The following FCHSD2 variants were observed in gnomAD, a reference collection of about 807,000 sequenced individuals.
The protein encoded by FCHSD2 is FCH and double SH3 domains 2, also known as F-BAR and double SH3 domains protein 2.
In FCHSD2, 38 loss-of-function variants were observed where a neutral mutation model predicts 108.1. The observed-to-expected ratio is 0.35, with a 90% CI of 0.27 to 0.46. The LOEUF (loss-of-function observed/expected upper bound fraction) is 0.46, where lower values mean the gene tolerates loss of function less well. Ranked by LOEUF, FCHSD2 falls within the 20% of genes least tolerant of loss-of-function variation. The pLI is 1.00. For synonymous variants in FCHSD2, 279 were observed against 314.7 expected (o/e 0.89, Z 1.20); for missense variants, 751 against 897.8 (o/e 0.84, Z 2.09).
intron 2 of FCHSD2, among the ~76,000 whole-genome samples, chr11:73,110,588 T>C (rs1437495527): frequency 6.6e-6 from 1 of 152,150 alleles, no homozygotes; most frequent in Non-Finnish European, 1.5e-5. Flanking sequence ...TAAGTCTATC[T>C]AATGTTTGTT....
intron 8 of FCHSD2, among the ~76,000 whole-genome samples, chr11:72,967,819 G>A (rs945938661): frequency 6.7e-6 from 1 of 149,520 alleles, no homozygotes; most frequent in African/African-American, 2.5e-5. Flanking sequence ...GGCTGGGTGC[G>A]GGTGGCTCAT....
At chr11:72,937,162 G>C (rs990817428) in intron 8 of FCHSD2, among the ~76,000 whole-genome samples, 5 of 152,138 alleles carry the variant, frequency 3.3e-5, no homozygotes, top group Non-Finnish European at 7.4e-5. Context: ...AGGACCAAAG[G>C]CTTGATGAAG....
chr11:73,025,161 T>A (rs1393394641), intron 3 of FCHSD2, among the ~76,000 whole-genome samples: 2 of 152,160 alleles, frequency 1.3e-5, no homozygotes, highest in Non-Finnish European at 2.9e-5. Context: ...GGAATATAAA[T>A]CATTCTATTA....
chr11:73,129,164 C>A (rs994160538), intron 2 of FCHSD2, among the ~76,000 whole-genome samples: 26 of 152,208 alleles, frequency 1.7e-4, no homozygotes, highest in African/African-American at 6.3e-4. Flanking sequence ...AGCCACCGCG[C>A]CTGGCCAGAG....
At chr11:73,033,726 T>G (rs1858421133) in intron 3 of FCHSD2, among the ~76,000 whole-genome samples, 1 of 152,238 alleles carries the variant, frequency 6.6e-6, no homozygotes, top group Admixed American at 6.5e-5. Context: ...ACCAGGACTT[T>G]GAAGTCAACA....
rs1484499950 is a variant in FCHSD2, at chr11:73,141,914, G to T, written c.-37C>A. On this transcript the variant is annotated 5_prime_UTR_variant, in exon 1 of 20. Transcript: ENST00000409418. ...GACATCAATCCTCCCCGACGGCAGC[G>T]TTAGCAAGGACCAGGAGGAGGAGGA... 1 of 1,539,940 alleles carries T rather than the reference G, an allele frequency of 6.5e-7. No individual in the cohort carries two copies. Among genetic ancestry groups the T allele is most frequent in the Non-Finnish European group, 8.7e-7 (1 of 1,144,390 alleles).
chr11:72,987,229 TC>T (rs1168972424), intron 6 of FCHSD2, among the ~76,000 whole-genome samples: 1 of 152,178 alleles, frequency 6.6e-6, no homozygotes, highest in Non-Finnish European at 1.5e-5. Context: ...TTCCTGATCT[TC>T]CTCCTTATCT....
chr11:73,007,421 G>C (rs1381370197), intron 4 of FCHSD2, among the ~76,000 whole-genome samples: 1 of 152,054 alleles, frequency 6.6e-6, no homozygotes, highest in Non-Finnish European at 1.5e-5. Context: ...AGGAGTTTGA[G>C]ATCAGCCTGG....
intron 3 of FCHSD2, among the ~76,000 whole-genome samples, chr11:73,060,028 T>C (rs1046868416): frequency 6.6e-5 from 10 of 152,204 alleles, no homozygotes; most frequent in Non-Finnish European, 1.3e-4. Flanking sequence ...ATACCTCCTA[T>C]CCTTACTAAA....
Position 73,142,024 on chromosome 11 carries a change from A to G in FCHSD2, c.-147T>C, listed in dbSNP as rs1422334294. On this transcript the variant is annotated 5_prime_UTR_variant, in exon 1 of 20. Transcript: ENST00000409418. ...AAGCAAGACTTGCCCCGGAGGGAGCAGGCCAGCGGGCGGCAGGCGGACCCC... is the reference window on the plus strand; with the variant it reads ...AAGCAAGACTTGCCCCGGAGGGAGCGGGCCAGCGGGCGGCAGGCGGACCCC... 31 of 725,692 alleles carry G rather than the reference A, an allele frequency of 4.3e-5. No individual in the cohort carries two copies. Among genetic ancestry groups the G allele is most frequent in the Non-Finnish European group, 2.0e-5 (9 of 455,798 alleles). The allele number at this position is 725,692 out of a possible 1,614,324, so 45.0% of individuals were successfully genotyped here.
chr11:72,867,255 G>GT (rs1854748377), intron 13 of FCHSD2, among the ~76,000 whole-genome samples: 1 of 152,072 alleles, frequency 6.6e-6, no homozygotes, highest in African/African-American at 2.4e-5. Flanking sequence ...GAATTTTTCT[G>GT]GTACTTAGAT....
At chr11:73,000,760 T>G (rs965800031) in intron 5 of FCHSD2, among the ~76,000 whole-genome samples, 2 of 152,238 alleles carry the variant, frequency 1.3e-5, no homozygotes, top group Non-Finnish European at 1.5e-5. Flanking sequence ...TACTAAAAAG[T>G]ATTTACTGAG....
At chr11:73,128,261 C>T (rs1860906454) in intron 2 of FCHSD2, among the ~76,000 whole-genome samples, 1 of 151,800 alleles carries the variant, frequency 6.6e-6, no homozygotes, top group African/African-American at 2.4e-5. Context: ...CAGTGATAGC[C>T]CTCATAATCT....
At chr11:72,986,134 C>T (rs1027099895) in intron 6 of FCHSD2, among the ~76,000 whole-genome samples, 3 of 152,040 alleles carry the variant, frequency 2.0e-5, no homozygotes, top group Non-Finnish European at 4.4e-5. Context: ...AACTACTTCC[C>T]CATTGTTAAA....
intron 8 of FCHSD2, among the ~76,000 whole-genome samples, chr11:72,947,069 C>CA (rs1856534969): frequency 6.6e-6 from 1 of 152,232 alleles, no homozygotes; most frequent in African/African-American, 2.4e-5. Context: ...AAATGAGACT[C>CA]ACATCACTGG....
At chr11:73,011,101 C>T (rs1174314513) in intron 4 of FCHSD2, among the ~76,000 whole-genome samples, 1 of 152,090 alleles carries the variant, frequency 6.6e-6, no homozygotes, top group Non-Finnish European at 1.5e-5. Flanking sequence ...ATTCAGGTGC[C>T]AATGGTGGTA....
intron 12 of FCHSD2, among the ~76,000 whole-genome samples, chr11:72,871,611 G>T (rs1428015925): frequency 6.6e-6 from 1 of 151,988 alleles, no homozygotes; most frequent in African/African-American, 2.4e-5. Context: ...TGGTGCAGTG[G>T]CTTGTACCTG....
intron 3 of FCHSD2, among the ~76,000 whole-genome samples, chr11:73,025,420 A>G (rs1272901484): frequency 2.0e-5 from 3 of 152,182 alleles, no homozygotes; most frequent in East Asian, 1.9e-4. Context: ...ATTCTCACTT[A>G]TAAGTGGAAG....
chr11:73,115,742 C>T (rs966889546), intron 2 of FCHSD2, among the ~76,000 whole-genome samples: 1 of 152,214 alleles, frequency 6.6e-6, no homozygotes, highest in Non-Finnish European at 1.5e-5. Context: ...GGAGTTGATG[C>T]TGCAGTCTTG....
Sources: gnomAD v4.1 joint callset for allele counts (sites outside exome capture counted in the v4.1 genomes callset) on GRCh38, gnomAD v4.1.1 for gene constraint, MANE v1.5 for transcripts, NCBI Gene and HGNC (gene_info 2026-07-23, HGNC 2026-07-21) for gene names.